TBC1D1: variants seen among roughly 807,000 people sequenced by gnomAD.
The protein encoded by TBC1D1 is TBC1 (tre-2/USP6, BUB2, cdc16) domain family, member 1.
In TBC1D1, 89 loss-of-function variants were observed where a neutral mutation model predicts 125.6. The observed-to-expected ratio is 0.71, with a 90% CI of 0.60 to 0.85. The LOEUF (loss-of-function observed/expected upper bound fraction) is 0.85, where lower values mean the gene tolerates loss of function less well. Among genes scored for constraint, TBC1D1 ranks in the 40% least tolerant of loss-of-function variants. The probability of loss-of-function intolerance (pLI) is 0.00; values close to 1 mark genes in which losing one functional copy is unlikely to be tolerated. For synonymous variants in TBC1D1, 565 were observed against 564.1 expected (o/e 1.00, Z -0.02); for missense variants, 1,377 against 1,469.2 (o/e 0.94, Z 1.03).
chr4:38,005,622 A>C (rs186486580), intron 2 of TBC1D1, among the ~76,000 whole-genome samples: 2 of 152,268 alleles, frequency 1.3e-5, no homozygotes, highest in Admixed American at 1.3e-4. Context: ...TTTTCTCCTT[A>C]GTTCCTCTGA....
chr4:38,006,757 G>C, intron 2 of TBC1D1: 1 of 450,238 alleles, frequency 2.2e-6, no homozygotes, highest in South Asian at 1.7e-5. Flanking sequence ...GGGATTACAG[G>C]CGTGAGCCAC....
intron 2 of TBC1D1, among the ~76,000 whole-genome samples, chr4:37,971,046 G>A (rs1287669821): frequency 6.6e-6 from 1 of 152,148 alleles, no homozygotes; most frequent in Non-Finnish European, 1.5e-5. Flanking sequence ...ATTGGCAGAA[G>A]AGCTGGGGCA....
intron 2 of TBC1D1, among the ~76,000 whole-genome samples, chr4:37,917,884 A>G (rs143498657): frequency 0.014 from 2,098 of 152,238 alleles, 33 homozygotes; most frequent in Non-Finnish European, 0.023. Context: ...TTCCAAACAG[A>G]TACAGTCAGT....
chr4:38,049,414 A>G (rs900272419), intron 10 of TBC1D1, among the ~76,000 whole-genome samples: 2 of 152,192 alleles, frequency 1.3e-5, no homozygotes, highest in African/African-American at 4.8e-5. Flanking sequence ...CCATTTCTCC[A>G]GCAAGCCAGC....
chr4:38,042,729 T>G (rs1257330358), intron 8 of TBC1D1, among the ~76,000 whole-genome samples: 1 of 152,170 alleles, frequency 6.6e-6, no homozygotes, highest in East Asian at 1.9e-4. Flanking sequence ...ACCTGGGCAT[T>G]GCACTCCAGA....
chr4:38,040,696 G>A (rs958899236), intron 8 of TBC1D1, among the ~76,000 whole-genome samples: 1 of 152,336 alleles, frequency 6.6e-6, no homozygotes, highest in East Asian at 1.9e-4. Context: ...CTGGTGTTGA[G>A]TTGAAGGCAG....
At chr4:38,012,743 C>T (rs188935013) in intron 2 of TBC1D1, among the ~76,000 whole-genome samples, 1 of 152,262 alleles carries the variant, frequency 6.6e-6, no homozygotes, top group Admixed American at 6.5e-5. Context: ...TAAAAGTGGG[C>T]TATAACCAAG....
intron 2 of TBC1D1, among the ~76,000 whole-genome samples, chr4:37,922,003 C>G (rs1181080860): frequency 6.6e-6 from 1 of 152,118 alleles, no homozygotes; most frequent in Non-Finnish European, 1.5e-5. Context: ...TATTTAAGTG[C>G]TGGGATTACA....
intron 12 of TBC1D1, among the ~76,000 whole-genome samples, chr4:38,072,415 C>G (rs1754859040): frequency 6.6e-6 from 1 of 152,126 alleles, no homozygotes; most frequent in Admixed American, 6.5e-5. Context: ...GGCCTGTGGC[C>G]TTTTGTTTTC....
At chr4:37,959,066 T>C (rs769808802) in intron 2 of TBC1D1, among the ~76,000 whole-genome samples, 4 of 152,168 alleles carry the variant, frequency 2.6e-5, no homozygotes, top group Non-Finnish European at 2.9e-5. Context: ...CTGTGTCAGG[T>C]TAAGAGCAAG....
At chr4:37,960,864 G>A (rs755785836) in intron 2 of TBC1D1, 2 of 1,614,180 alleles carry the variant, frequency 1.2e-6, no homozygotes, top group Non-Finnish European at 1.7e-6. Context: ...CTTGAGTGGA[G>A]TGCCTCTCAT....
At chr4:37,891,428 C>T (rs10008248) in intron 1 of TBC1D1, 80 bp downstream of exon 1, 2,247 of 152,186 alleles carry the variant, frequency 0.015, 51 homozygotes, top group African/African-American at 0.051. Context: ...TCCCGCAGCA[C>T]GCCCCTGCCC....
rs1399012282 is a variant in TBC1D1, at chr4:38,110,739, G to T, written c.2558-4971G>T. 3.0e-6 allele frequency: 3 copies of T among 985,350 alleles called. No individual in the cohort carries two copies. The African/African-American group carries it at 5.2e-5, about 17-fold the overall frequency. 61.0% of individuals were successfully genotyped at this position (985,350 alleles called of 1,614,324 possible). On this transcript the variant is annotated intron_variant, in intron 15 of 19. Transcript: ENST00000261439. ...CCTGCACTTCTCTGCTTTGTGGTAA[G>T]TTGTAAAATGCAGTTTAAAGAGGCA...
chr4:38,005,356 T>C (rs908621370), intron 2 of TBC1D1, among the ~76,000 whole-genome samples: 3 of 152,242 alleles, frequency 2.0e-5, no homozygotes, highest in Non-Finnish European at 2.9e-5. Flanking sequence ...CGTAAGGTGC[T>C]GGCTGTCTGG....
At chr4:38,020,753 C>T in intron 5 of TBC1D1, 58 bp downstream of exon 5, 1 of 1,483,496 alleles carries the variant, frequency 6.7e-7, no homozygotes, top group East Asian at 2.3e-5. Flanking sequence ...ATTTTAGCTC[C>T]ACTGATTTTT....
intron 2 of TBC1D1, among the ~76,000 whole-genome samples, chr4:37,925,681 CAAAA>C (rs34337656): frequency 2.8e-5 from 3 of 106,568 alleles, no homozygotes; most frequent in Admixed American, 9.1e-5. Context: ...GACTCCATCT[CAAAA>C]AAAAAAAAAA....
intron 12 of TBC1D1, among the ~76,000 whole-genome samples, chr4:38,079,490 G>A (rs1178144693): frequency 6.6e-6 from 1 of 152,026 alleles, no homozygotes; most frequent in African/African-American, 2.4e-5. Context: ...TTGGGAGGCC[G>A]AGGCGGGCAG....
At chr4:38,088,537 A>G (rs1018377008) in intron 12 of TBC1D1, among the ~76,000 whole-genome samples, 7 of 152,222 alleles carry the variant, frequency 4.6e-5, no homozygotes, top group Non-Finnish European at 7.3e-5. Context: ...ACCCTTGTCA[A>G]CAAGGCAGCA....
chr4:38,128,311 C>T (rs180788935), intron 18 of TBC1D1, among the ~76,000 whole-genome samples: 115 of 152,268 alleles, frequency 7.6e-4, no homozygotes, highest in Non-Finnish European at 1.1e-3. Flanking sequence ...TGTTCTCTGT[C>T]AGGCTTTCTG....
Sources: gnomAD v4.1 joint callset for allele counts (sites outside exome capture counted in the v4.1 genomes callset) on GRCh38, gnomAD v4.1.1 for gene constraint, MANE v1.5 for transcripts, NCBI Gene and HGNC (gene_info 2026-07-23, HGNC 2026-07-21) for gene names.